DNAJC8: variants seen among roughly 807,000 people sequenced by gnomAD.
DNAJC8 encodes the protein dnaJ homolog subfamily C member 8.
A neutral mutation model predicts 43.2 loss-of-function variants in DNAJC8; 24 were observed. That is an observed-to-expected ratio of 0.56 (90% CI 0.40 to 0.78). DNAJC8 has a LOEUF of 0.78. Among genes scored for constraint, DNAJC8 ranks in the 30% least tolerant of loss-of-function variants. DNAJC8 has a pLI of 0.00. For synonymous variants in DNAJC8, 83 were observed against 98.0 expected, an observed-to-expected ratio of 0.85 and a Z score of 0.90; for missense variants, 207 against 299.4, an observed-to-expected ratio of 0.69 and a Z score of 2.28.
chr1:28,226,021 G>GTT (rs944910118), intron 2 of DNAJC8, among the ~76,000 whole-genome samples: 4 of 150,614 alleles, frequency 2.7e-5, no homozygotes, highest in African/African-American at 4.9e-5. Context: ...CAAATTTTAT[G>GTT]TTATATATAT....
At chr1:28,212,168 AATATATAT>A (rs201782610) in intron 3 of DNAJC8, among the ~76,000 whole-genome samples, 57 of 31,010 alleles carry the variant, frequency 1.8e-3, no homozygotes, top group South Asian at 4.3e-3. Context: ...TAAATAAATA[AATATATAT>A]ATATATATAT....
chr1:28,220,456 TAAAGA>T (rs1467584550), intron 2 of DNAJC8, among the ~76,000 whole-genome samples: 4 of 152,234 alleles, frequency 2.6e-5, no homozygotes, highest in Non-Finnish European at 5.9e-5. Flanking sequence ...GGGCACTTTA[TAAAGA>T]AAAGAAATGT....
chr1:28,201,508 GC>G, intron 8 of DNAJC8, 138 bp from the exon 9 acceptor site: 1 of 1,347,210 alleles, frequency 7.4e-7, no homozygotes, highest in Non-Finnish European at 1.0e-6. Context: ...AATAGAGCTG[GC>G]CAGGCACAGT....
At chr1:28,202,637 G>A (rs1328284625) in intron 8 of DNAJC8, among the ~76,000 whole-genome samples, 8 of 138,262 alleles carry the variant, frequency 5.8e-5, no homozygotes, top group African/African-American at 1.9e-4. Flanking sequence ...CTGGAGTGCA[G>A]TGGCACAATC....
chr1:28,216,247 G>A (rs1407755701), intron 2 of DNAJC8, among the ~76,000 whole-genome samples: 1 of 152,070 alleles, frequency 6.6e-6, no homozygotes, highest in Non-Finnish European at 1.5e-5. Flanking sequence ...AAGTCAGTGC[G>A]CCCCACTCTC....
chr1:28,217,097 C>T (rs955567905), intron 2 of DNAJC8, among the ~76,000 whole-genome samples: 7 of 151,594 alleles, frequency 4.6e-5, no homozygotes, highest in Non-Finnish European at 8.8e-5. Context: ...TGTGAGCCAC[C>T]GCGCCTGGCC....
chr1:28,211,105 T>C (rs1051139146), intron 3 of DNAJC8, among the ~76,000 whole-genome samples: 5 of 151,930 alleles, frequency 3.3e-5, no homozygotes, highest in Admixed American at 2.0e-4. Flanking sequence ...GCCTGGGAGG[T>C]TGAGATTGTG....
chr1:28,219,014 A>C (rs1394628749), intron 2 of DNAJC8, among the ~76,000 whole-genome samples: 2 of 152,166 alleles, frequency 1.3e-5, no homozygotes, highest in Non-Finnish European at 2.9e-5. Flanking sequence ...GAGAAAGAAC[A>C]GAAATTGTCC....
chr1:28,228,211 CAGTGG>C (rs765645442), intron 2 of DNAJC8, among the ~76,000 whole-genome samples: 5 of 151,792 alleles, frequency 3.3e-5, no homozygotes, highest in Admixed American at 1.3e-4. Context: ...TAGCCAGGCA[CAGTGG>C]TGGGCACCTG....
intron 6 of DNAJC8, among the ~76,000 whole-genome samples, chr1:28,205,600 C>T (rs557690498): frequency 1.3e-5 from 2 of 152,222 alleles, no homozygotes; most frequent in South Asian, 2.1e-4. Flanking sequence ...TTAAAACTAG[C>T]GTGCAGGCCA....
In DNAJC8 at chr1:28,210,439, T is replaced by C. The variant is rs1646803038; in HGVS notation, c.304+132A>G. On this transcript the variant is annotated intron_variant, in intron 4 of 8. Coordinates refer to ENST00000263697, the MANE Select transcript of DNAJC8 (RefSeq NM_014280.3). Reference sequence around the variant, plus strand: ...CATTCTGCTTTGAAATGGCAACTGCTCTACTGAAAACCACAGCTTCTTGGT... The same window carrying C: ...CATTCTGCTTTGAAATGGCAACTGCCCTACTGAAAACCACAGCTTCTTGGT... 6.6e-6 allele frequency: 5 copies of C among 753,128 alleles called. No homozygotes were observed. In the Admixed American group the frequency reaches 1.1e-4, roughly 16 times the overall value. The allele number at this position is 753,128 out of a possible 1,614,324, so 46.7% of individuals were successfully genotyped here. A position where few individuals can be genotyped will look rare whatever the true frequency, so the allele number is the denominator to read the frequency against.
chr1:28,214,472 T>G (rs2149018237), intron 3 of DNAJC8, among the ~76,000 whole-genome samples: 1 of 152,206 alleles, frequency 6.6e-6, no homozygotes, highest in Non-Finnish European at 1.5e-5. Flanking sequence ...AGGTGGAGGT[T>G]GCAGTGACCT....
intron 8 of DNAJC8, among the ~76,000 whole-genome samples, chr1:28,202,756 AT>A (rs756753424): frequency 7.5e-6 from 1 of 134,062 alleles, no homozygotes; most frequent in African/African-American, 2.8e-5. Context: ...AATTTTTTGT[AT>A]TTTTTTAGTA....
intron 5 of DNAJC8, 125 bp downstream of exon 5, chr1:28,209,847 T>TA: frequency 2.6e-6 from 2 of 761,178 alleles, no homozygotes; most frequent in Non-Finnish European, 2.2e-6. Context: ...AGCAAAGTGG[T>TA]AGAGAGCACA....
intron 2 of DNAJC8, among the ~76,000 whole-genome samples, chr1:28,220,694 T>C (rs997516360): frequency 3.3e-5 from 5 of 152,194 alleles, no homozygotes; most frequent in Admixed American, 1.3e-4. Context: ...TTCTAACACA[T>C]GAATTTGGGG....
rs1646731749 is a variant in DNAJC8, at chr1:28,201,286, G to A, written c.724C>T (p.Leu242=). The change falls in exon 9 of 9, where the codon CTG becomes TTG. Residue 242 remains leucine (L), a synonymous_variant. Coordinates refer to ENST00000263697, the MANE Select transcript of DNAJC8 (RefSeq NM_014280.3). ...GKKEKKNRTF[L]RPPKVKMEQR... ...TCCATTTTTACTTTCGGTGGTCTCA[G>A]GAAGGTCCGATTTTTCTTCTCTTTC... 2 of 1,612,416 alleles carry A rather than the reference G, an allele frequency of 1.2e-6. No homozygotes were observed. The highest frequency in any genetic ancestry group is 2.7e-5 in the African/African-American group (2 of 74,850).
intron 2 of DNAJC8, among the ~76,000 whole-genome samples, chr1:28,218,256 C>T (rs1442290410): frequency 5.3e-5 from 8 of 151,610 alleles, no homozygotes; most frequent in African/African-American, 1.5e-4. Flanking sequence ...CCACCACGCC[C>T]GGCTCATTTT....
rs537267717 is a variant in DNAJC8, at chr1:28,232,858, C to T, written c.78+63G>A. 6 of 1,571,684 alleles carry T rather than the reference C, an allele frequency of 3.8e-6. No homozygotes were observed. In the East Asian group the frequency reaches 9.0e-5, roughly 24 times the overall value. ...CAGGCCAGGCGGCCACTGCCTTTGTCCACTGGGAAAGCAGATCCGGGAGCG... is the reference window on the plus strand; with the variant it reads ...CAGGCCAGGCGGCCACTGCCTTTGTTCACTGGGAAAGCAGATCCGGGAGCG... On this transcript the variant is annotated intron_variant, in intron 1 of 8. Coordinates refer to ENST00000263697, the MANE Select transcript of DNAJC8 (RefSeq NM_014280.3).
chr1:28,214,924 G>A lies in DNAJC8; in HGVS notation c.237+16C>T, dbSNP rs1164168095. On this transcript the variant is annotated intron_variant, in intron 3 of 8. Transcript: ENST00000263697. ...ATACATTTTCAAAAAGTTCAAACAGGGAAATAGTACTGTACCTGCCGAAAC... is the reference window on the plus strand; with the variant it reads ...ATACATTTTCAAAAAGTTCAAACAGAGAAATAGTACTGTACCTGCCGAAAC... 5 of 1,578,488 alleles carry A rather than the reference G, an allele frequency of 3.2e-6. No individual in the cohort carries two copies. The South Asian group carries it at 6.0e-5, about 19-fold the overall frequency.
Sources: allele counts gnomAD v4.1 joint callset (sites outside exome capture counted in the v4.1 genomes callset), GRCh38; gene constraint gnomAD v4.1.1; transcripts MANE v1.5; gene names NCBI Gene and HGNC (gene_info 2026-07-23, HGNC 2026-07-21).